CHST11: variants seen among roughly 807,000 people sequenced by gnomAD.
CHST11 encodes the protein carbohydrate sulfotransferase 11.
Under a neutral mutation model 30.4 loss-of-function variants are expected in CHST11, and 9 were observed. The ratio of observed to expected loss-of-function variants is 0.30; its 90% CI spans 0.18 to 0.52. CHST11 has a LOEUF of 0.52. Among genes scored for constraint, CHST11 ranks in the 20% least tolerant of loss-of-function variants. The probability of loss-of-function intolerance (pLI) is 0.97; values close to 1 mark genes in which losing one functional copy is unlikely to be tolerated. For missense variants in CHST11, 348 were observed against 460.6 expected, an observed-to-expected ratio of 0.76 and a Z score of 2.24; for synonymous variants, 152 against 187.8, an observed-to-expected ratio of 0.81 and a Z score of 1.56.
intron 1 of CHST11, among the ~76,000 whole-genome samples, chr12:104,515,408 G>A (rs1186728317): frequency 4.6e-5 from 7 of 152,166 alleles, no homozygotes; most frequent in Admixed American, 2.0e-4. Flanking sequence ...AAGGTGAATC[G>A]CGTTCTACAC....
At chr12:104,535,016 C>A (rs1285066860) in intron 1 of CHST11, among the ~76,000 whole-genome samples, 1 of 152,152 alleles carries the variant, frequency 6.6e-6, no homozygotes, top group Non-Finnish European at 1.5e-5. Context: ...TTCTGTGAAA[C>A]CCCTGTGGCA....
intron 1 of CHST11, among the ~76,000 whole-genome samples, chr12:104,488,505 GTA>G (rs1294878244): frequency 1.6e-4 from 25 of 151,786 alleles, no homozygotes; most frequent in South Asian, 4.2e-4. Context: ...GTGTGTCCGT[GTA>G]TATGTGTGTG....
intron 2 of CHST11, among the ~76,000 whole-genome samples, chr12:104,734,141 G>A (rs1035357853): frequency 1.4e-4 from 21 of 152,364 alleles, no homozygotes; most frequent in Middle Eastern, 3.4e-3. Flanking sequence ...CAGCACTGGC[G>A]CCAGAGGGGC....
At chr12:104,731,581 T>G (rs936290545) in intron 2 of CHST11, among the ~76,000 whole-genome samples, 2 of 152,136 alleles carry the variant, frequency 1.3e-5, no homozygotes, top group African/African-American at 4.8e-5. Context: ...AATAGGAGAG[T>G]AAGCAAACTG....
intron 2 of CHST11, among the ~76,000 whole-genome samples, chr12:104,740,276 A>G (rs1293639851): frequency 3.3e-5 from 5 of 152,218 alleles, no homozygotes; most frequent in South Asian, 2.1e-4. Context: ...TCCATTGATC[A>G]TAAATCTACA....
rs991217094 is a variant in CHST11, at chr12:104,729,765, G to T, written c.205-27184G>T. Among the ~76,000 whole-genome samples the T allele has an allele frequency of 2.0e-5, 3 of 152,270 alleles. No individual in the cohort carries two copies. The highest frequency in any genetic ancestry group is 7.2e-5 in the African/African-American group (3 of 41,548). On this transcript the variant is annotated intron_variant, in intron 2 of 2. Coordinates refer to ENST00000303694, the MANE Select transcript of CHST11 (RefSeq NM_018413.6). This position sits in a 1 kb window ranked among gnomAD's most constrained non-coding sequence, Gnocchi z 4.0. ...AGGAGTTGAGGGGGAGCTCGATGGC[G>T]CTGGGGCAGAGGTCTGCGGAGAGTA...
At chr12:104,648,388 C>A (rs1054723627) in intron 2 of CHST11, among the ~76,000 whole-genome samples, 3 of 152,202 alleles carry the variant, frequency 2.0e-5, no homozygotes, top group Admixed American at 6.5e-5. Flanking sequence ...CCCATTTGGA[C>A]CATTCCCTTT....
intron 2 of CHST11, among the ~76,000 whole-genome samples, chr12:104,657,515 C>T (rs2039556643): frequency 6.6e-6 from 1 of 151,052 alleles, no homozygotes; most frequent in Non-Finnish European, 1.5e-5. Context: ...TCTTCCCTGG[C>T]AGATGAAAAA....
chr12:104,635,046 G>A (rs2039310492), intron 2 of CHST11, among the ~76,000 whole-genome samples: 2 of 152,004 alleles, frequency 1.3e-5, no homozygotes, highest in Non-Finnish European at 1.5e-5. Context: ...CCAGGCAAGT[G>A]CAGAGTCAGC....
chr12:104,463,460 C>T (rs2037428553), intron 1 of CHST11, among the ~76,000 whole-genome samples: 1 of 152,174 alleles, frequency 6.6e-6, no homozygotes, highest in South Asian at 2.1e-4. Context: ...GACTTGTTCT[C>T]CTCCTCCCCA....
intron 2 of CHST11, among the ~76,000 whole-genome samples, chr12:104,681,825 C>CTTT (rs149441295): frequency 1.3e-3 from 109 of 85,086 alleles, no homozygotes; most frequent in African/African-American, 2.8e-3. Flanking sequence ...GTCTGTTTTG[C>CTTT]TTTTTTTTTT....
chr12:104,488,307 C>A (rs892154543), intron 1 of CHST11, among the ~76,000 whole-genome samples: 1 of 151,952 alleles, frequency 6.6e-6, no homozygotes, highest in African/African-American at 2.4e-5. Flanking sequence ...CATGCAAAGC[C>A]CCTTGGGGAG....
At chr12:104,691,184 G>A (rs1321591150) in intron 2 of CHST11, among the ~76,000 whole-genome samples, 1 of 152,188 alleles carries the variant, frequency 6.6e-6, no homozygotes, top group Non-Finnish European at 1.5e-5. Context: ...ATGTGCCAGT[G>A]CCCAATAAGG....
chr12:104,571,199 T>A (rs1035065127), intron 1 of CHST11, among the ~76,000 whole-genome samples: 1 of 151,416 alleles, frequency 6.6e-6, no homozygotes, highest in African/African-American at 2.4e-5. Context: ...GTTTTGCTCT[T>A]ATTGCCCAGG....
intron 1 of CHST11, among the ~76,000 whole-genome samples, chr12:104,553,603 G>A (rs1565984757): frequency 7.8e-6 from 1 of 127,528 alleles, no homozygotes; most frequent in African/African-American, 2.6e-5. Flanking sequence ...GAGAGAGAGT[G>A]AGAACTAGGA....
intron 2 of CHST11, among the ~76,000 whole-genome samples, chr12:104,724,836 C>T (rs980628194): frequency 6.6e-6 from 1 of 152,172 alleles, no homozygotes; most frequent in Admixed American, 6.5e-5. Flanking sequence ...TTCAGATAGA[C>T]AATGAATAAT....
intron 2 of CHST11, among the ~76,000 whole-genome samples, chr12:104,614,413 G>A (rs1225531568): frequency 1.3e-5 from 2 of 152,162 alleles, no homozygotes; most frequent in Non-Finnish European, 2.9e-5. Context: ...GCATGGTGTT[G>A]TGCACCAATT....
intron 2 of CHST11, among the ~76,000 whole-genome samples, chr12:104,636,714 G>A (rs2039326005): frequency 2.6e-5 from 4 of 152,070 alleles, no homozygotes; most frequent in African/African-American, 9.7e-5. Flanking sequence ...TGTAAAATGG[G>A]ATAATAGTAT....
At chr12:104,719,558 T>C (rs1411685668) in intron 2 of CHST11, among the ~76,000 whole-genome samples, 7 of 152,246 alleles carry the variant, frequency 4.6e-5, no homozygotes, top group Non-Finnish European at 1.0e-4. Context: ...AGACACAGCA[T>C]AACTATCTAT....
Sources: allele counts gnomAD v4.1 joint callset (sites outside exome capture counted in the v4.1 genomes callset), GRCh38; gene constraint gnomAD v4.1.1; non-coding constraint Gnocchi (gnomAD v3.1); transcripts MANE v1.5; gene names NCBI Gene and HGNC (gene_info 2026-07-23, HGNC 2026-07-21).